TNS1: variants seen among roughly 807,000 people sequenced by gnomAD.
TNS1 encodes the protein tensin-1.
TNS1 carries 62 observed loss-of-function variants against 168.6 expected under a neutral mutation model. The observed-to-expected ratio is 0.37, with a 90% CI of 0.30 to 0.45. The LOEUF (loss-of-function observed/expected upper bound fraction) is 0.45. Ranked by LOEUF, TNS1 falls within the 20% of genes least tolerant of loss-of-function variation. The pLI is 1.00. For synonymous variants in TNS1, 934 were observed against 933.2 expected, an observed-to-expected ratio of 1.00 and a Z score of -0.02; for missense variants, 2,240 against 2,339.4, an observed-to-expected ratio of 0.96 and a Z score of 0.88.
chr2:217,946,733 C>T (rs189312771), intron 3 of TNS1, among the ~76,000 whole-genome samples: 5 of 151,852 alleles, frequency 3.3e-5, no homozygotes, highest in African/African-American at 1.2e-4. Context: ...ATCCCCTACC[C>T]CATCATCACC....
chr2:217,946,933 CATCGCTCT>C (rs1957120185), intron 3 of TNS1, among the ~76,000 whole-genome samples: 1 of 135,646 alleles, frequency 7.4e-6, no homozygotes. Flanking sequence ...TCATTTCCAC[CATCGCTCT>C]CTCTCTCTCT....
intron 2 of TNS1, among the ~76,000 whole-genome samples, chr2:217,990,060 A>C (rs918767469): frequency 7.5e-6 from 1 of 133,288 alleles, no homozygotes; most frequent in Non-Finnish European, 1.6e-5. Context: ...CTCAGCACAC[A>C]TCATCCACAC....
rs557356032 is a variant in TNS1 at position 217,916,358 on chromosome 2, G to C, written c.228+3837C>G. 4.0e-5 allele frequency among the ~76,000 whole-genome samples: 6 copies of C among 151,504 alleles called. No individual in the cohort carries two copies. In the East Asian group the frequency reaches 1.2e-3, roughly 30 times the overall value. The stretch of plus-strand genomic sequence containing the variant: ...TTCTACAGGGACGTTCCAAGCCCCT[G>C]TGCTGGGCCTGCCTGGGCAAGTAGA... On this transcript the variant is annotated intron_variant, in intron 4 of 32. Transcript: ENST00000682258.
Position 217,847,520 on chromosome 2 carries a change from G to T in TNS1, c.2997C>A (p.His999Gln). 1 of 1,467,418 alleles carries T rather than the reference G, an allele frequency of 6.8e-7. No individual in the cohort carries two copies. The highest frequency in any genetic ancestry group is 1.6e-5 in the South Asian group (1 of 62,696). The allele number at this position is 1,467,418 out of a possible 1,614,324, so 90.9% of individuals were successfully genotyped here. ...CTGAATACCTCTTACCTGCTACCCT[G>T]TGGGCCACCAGCCCTTCTAAATTCA... ...EPLNLEGLVAHRVAGVQAREK... is the reference protein window; with the variant it reads ...EPLNLEGLVAQRVAGVQAREK... The change falls in exon 19 of 33, where the codon CAC (histidine) becomes CAA (glutamine). Residue 999 changes from histidine (H) to glutamine (Q), a missense_variant. Coordinates refer to ENST00000682258, the MANE Select transcript of TNS1 (RefSeq NM_001387777.1).
intron 2 of TNS1, among the ~76,000 whole-genome samples, chr2:217,979,604 G>T (rs764042969): frequency 1.3e-5 from 2 of 151,948 alleles, no homozygotes; most frequent in Non-Finnish European, 2.9e-5. Flanking sequence ...TTTCCTATAA[G>T]GTTCCCGAAG....
rs1574787723 is a variant in TNS1 at position 217,847,909 on chromosome 2, A to G, written c.2608T>C (p.Ser870Pro). The change falls in exon 19 of 33, where the codon TCC becomes CCC. Residue 870 changes from serine (S) to proline (P), a missense_variant. Ser to Pro is a moderately conservative substitution (Grantham distance 74). This residue lies in a region of TNS1 where 2,131 missense variants were observed against 2,171.2 expected (regional missense o/e 0.98). Coordinates refer to ENST00000682258, the MANE Select transcript of TNS1 (RefSeq NM_001387777.1). ...GAGGATCCAGAGAGGGGCTGGGAGG[A>G]GAGTGGAGAAGCCCCTGGCCAGGCC... Reference protein sequence around the residue: ...PGAWPGASPLSSQPLSGSSRQ... With the variant: ...PGAWPGASPLPSQPLSGSSRQ... The G allele has an allele frequency of 6.5e-7, 1 of 1,532,154 alleles. No homozygotes were observed. Among genetic ancestry groups the G allele is most frequent in the Non-Finnish European group, 8.8e-7 (1 of 1,133,584 alleles). 94.9% of individuals were successfully genotyped at this position (1,532,154 alleles called of 1,614,324 possible). A position where few individuals can be genotyped will look rare whatever the true frequency, so the allele number is the denominator to read the frequency against.
chr2:217,988,507 G>C (rs114538540), intron 2 of TNS1, among the ~76,000 whole-genome samples: 1 of 152,160 alleles, frequency 6.6e-6, no homozygotes, highest in Non-Finnish European at 1.5e-5. Context: ...CTGGAGTGAC[G>C]GGAAGACACT....
At chr2:217,978,453 A>G (rs1481933711) in intron 3 of TNS1, among the ~76,000 whole-genome samples, 3 of 149,944 alleles carry the variant, frequency 2.0e-5, no homozygotes. Context: ...GAGAACTAGC[A>G]GAAACACCTT....
Position 217,807,952 on chromosome 2 carries a change from G to A in TNS1, c.5375+123C>T, listed in dbSNP as rs957279016. ...CTTCACTCGGAAGCTGAGTGACCTT[G>A]GCACAAAGGTTTTTGCTGCTCTTTC... On this transcript the variant is annotated intron_variant, in intron 32 of 32. Coordinates refer to ENST00000682258, the MANE Select transcript of TNS1 (RefSeq NM_001387777.1). The A allele has an allele frequency of 1.5e-5, 18 of 1,177,492 alleles. No individual in the cohort carries two copies. The Admixed American group carries it at 3.6e-4, about 23-fold the overall frequency. The allele number at this position is 1,177,492 out of a possible 1,614,324, so 72.9% of individuals were successfully genotyped here.
At chr2:217,844,072 T>C (rs1448844703) in intron 19 of TNS1, among the ~76,000 whole-genome samples, 2 of 152,080 alleles carry the variant, frequency 1.3e-5, no homozygotes, top group African/African-American at 4.8e-5. Context: ...AGAACCATCA[T>C]TCTATTTCTA....
At position 217,929,036 on chromosome 2, in the gene TNS1, C is replaced by T. The variant is rs572879980; in HGVS notation, c.187-8800G>A. 7.0e-4 allele frequency among the ~76,000 whole-genome samples: 106 copies of T among 152,298 alleles called. 1 individual carries two copies. The highest frequency in any genetic ancestry group is 1.3e-3 in the Non-Finnish European group (89 of 68,032). The stretch of plus-strand genomic sequence containing the variant: ...GTGTGCCTGACCCTTCAGGAGCCTG[C>T]GGAATGTGGAGTTCTGGGCAGCTTC... On this transcript the variant is annotated intron_variant, in intron 3 of 32. Coordinates refer to ENST00000682258, the MANE Select transcript of TNS1 (RefSeq NM_001387777.1).
rs80036924 is a variant in TNS1 at position 217,820,933 on chromosome 2, C to A, written c.3572+807G>T. The stretch of plus-strand genomic sequence containing the variant: ...CTAATGGCAGGCCACATGCCCTCAG[C>A]CTCACACTCCCAACATGGCCACAGC... On this transcript the variant is annotated intron_variant, in intron 23 of 32. Coordinates refer to ENST00000682258, the MANE Select transcript of TNS1 (RefSeq NM_001387777.1). Among the ~76,000 whole-genome samples the A allele has an allele frequency of 2.3e-4, 35 of 152,284 alleles. No individual in the cohort carries two copies. In the East Asian group the frequency reaches 6.4e-3, roughly 28 times the overall value.
At chr2:217,972,370 A>G (rs10185703) in intron 3 of TNS1, among the ~76,000 whole-genome samples, 3,812 of 152,330 alleles carry the variant, frequency 0.025, 151 homozygotes, top group South Asian at 0.11. Context: ...TTCTGGTAGC[A>G]GGAGAATACA....
At position 217,830,235 on chromosome 2, in the gene TNS1, G is replaced by A. The variant is rs899938841; in HGVS notation, c.3373+1220C>T. The A allele has an allele frequency of 2.5e-6, 3 of 1,195,526 alleles. No homozygotes were observed. The Admixed American group carries it at 6.6e-5, about 26-fold the overall frequency. 74.1% of individuals were successfully genotyped at this position (1,195,526 alleles called of 1,614,324 possible). A position where few individuals can be genotyped will look rare whatever the true frequency, so the allele number is the denominator to read the frequency against. ...CAAGCAGGAGTGTGCTGGCTGGTGA[G>A]AGGCAGCCCCCAGCCCCCTTCTACT... On this transcript the variant is annotated intron_variant, in intron 22 of 32. Coordinates refer to ENST00000682258, the MANE Select transcript of TNS1 (RefSeq NM_001387777.1).
In TNS1 at chr2:217,821,871, C is replaced by G. The variant is rs769548964; in HGVS notation, c.3441G>C (p.Glu1147Asp). ...TGGCTGGAGCACTAAAGCTCTTGGG[C>G]TCAGAGTCCTGAGCTCGGGGTCCAG... is the stretch of plus-strand genomic sequence containing the variant. ...AVAGPRAQDS[E>D]PKSFSAPATQ... The change falls in exon 23 of 33, where the codon GAG becomes GAC. Residue 1147 changes from glutamate (E) to aspartate (D), a missense_variant. Physicochemically the swap from Glu to Asp is conservative, Grantham distance 45. This residue lies in a region of TNS1 where 2,131 missense variants were observed against 2,171.2 expected (regional missense o/e 0.98). Coordinates refer to ENST00000682258, the MANE Select transcript of TNS1 (RefSeq NM_001387777.1). 5 of 1,589,290 alleles carry G rather than the reference C, an allele frequency of 3.1e-6. No homozygotes were observed. In the South Asian group the frequency reaches 5.8e-5, roughly 18 times the overall value.
In TNS1 at chr2:217,813,706, T is replaced by G; in HGVS notation, c.4840A>C (p.Ile1614Leu). 6.2e-7 allele frequency: 1 copy of G among 1,611,992 alleles called. No homozygotes were observed. The highest frequency in any genetic ancestry group is 8.5e-7 in the Non-Finnish European group (1 of 1,179,044). Reference protein sequence around the residue: ...AMKVSSPPPTIMQQNKKGDMT... With the variant: ...AMKVSSPPPTLMQQNKKGDMT... Reference sequence around the variant, plus strand: ...TTACCTTTTTTATTCTGCTGCATGATGGTTGGAGGTGGCGAAGACACCTTC... The same window carrying G: ...TTACCTTTTTTATTCTGCTGCATGAGGGTTGGAGGTGGCGAAGACACCTTC... The change falls in exon 26 of 33, where the codon ATC becomes CTC. Residue 1614 changes from isoleucine (I) to leucine (L), a missense_variant. Coordinates refer to ENST00000682258, the MANE Select transcript of TNS1 (RefSeq NM_001387777.1). The surrounding 1 kb of genome is among the most constrained non-coding windows in gnomAD (Gnocchi z 4.0).
At chr2:217,864,892 T>TGTACGCAGTGGGGCAGAGTTGGG (rs1949118056) in intron 18 of TNS1, among the ~76,000 whole-genome samples, 1 of 152,182 alleles carries the variant, frequency 6.6e-6, no homozygotes, top group Admixed American at 6.5e-5. Flanking sequence ...CTCCCAATAC[T>TGTACGCAGTGGGGCAGAGTTGGG]GTACGCAGTG....
intron 22 of TNS1, among the ~76,000 whole-genome samples, chr2:217,826,898 T>G (rs1393235601): frequency 2.0e-5 from 3 of 152,086 alleles, no homozygotes; most frequent in Non-Finnish European, 2.9e-5. Flanking sequence ...ATTTTCTGTC[T>G]CCCAAAGAGG....
intron 18 of TNS1, among the ~76,000 whole-genome samples, chr2:217,860,978 G>A (rs1385514029): frequency 6.6e-6 from 1 of 152,072 alleles, no homozygotes; most frequent in Non-Finnish European, 1.5e-5. Context: ...CGATCCCCTG[G>A]CTCCACACAG....
Sources: allele counts gnomAD v4.1 joint callset (sites outside exome capture counted in the v4.1 genomes callset), GRCh38; gene constraint gnomAD v4.1.1; regional missense constraint gnomAD v4.1.1; non-coding constraint Gnocchi (gnomAD v3.1); transcripts MANE v1.5; gene names NCBI Gene and HGNC (gene_info 2026-07-23, HGNC 2026-07-21).